The following NAV3 variants were observed in gnomAD, a reference collection of about 807,000 sequenced individuals.
The protein encoded by NAV3 is neuron navigator 3.
In NAV3, 87 loss-of-function variants were observed where a neutral mutation model predicts 244.7. The observed-to-expected ratio is 0.36, with a 90% CI of 0.30 to 0.42. NAV3 has a LOEUF of 0.42. Ranked by LOEUF, NAV3 falls within the 20% of genes least tolerant of loss-of-function variation. The pLI is 1.00. For missense variants in NAV3, 2,663 were observed against 2,893.3 expected (o/e 0.92, Z 1.83); for synonymous variants, 1,126 against 1,042.2 (o/e 1.08, Z -1.55).
intron 12 of NAV3, among the ~76,000 whole-genome samples, chr12:78,064,173 A>G (rs1468919347): frequency 2.0e-5 from 3 of 152,090 alleles, no homozygotes; most frequent in Non-Finnish European, 4.4e-5. Flanking sequence ...GGTTTTGTCT[A>G]TGTGTATGAT....
At chr12:77,701,961 A>G (rs951621712) in intron 2 of NAV3, among the ~76,000 whole-genome samples, 2 of 152,050 alleles carry the variant, frequency 1.3e-5, no homozygotes, top group Non-Finnish European at 2.9e-5. Context: ...GCTATTGGGC[A>G]TAGTGTTCTA....
intron 2 of NAV3, among the ~76,000 whole-genome samples, chr12:77,787,913 ATT>A (rs775010293): frequency 5.9e-5 from 9 of 152,226 alleles, no homozygotes; most frequent in East Asian, 3.8e-4. Context: ...ATGGCAGCAT[ATT>A]TAAAAATATT....
intron 2 of NAV3, among the ~76,000 whole-genome samples, chr12:77,573,864 A>AT (rs1868950268): frequency 6.6e-6 from 1 of 152,040 alleles, no homozygotes; most frequent in African/African-American, 2.4e-5. Context: ...GCTAAGGGAG[A>AT]TTTTCTGCAA....
intron 1 of NAV3, among the ~76,000 whole-genome samples, chr12:77,872,315 G>T (rs1184152946): frequency 3.3e-5 from 5 of 152,062 alleles, no homozygotes; most frequent in African/African-American, 1.2e-4. Context: ...TTGAAATAAA[G>T]TAGGCTTGTG....
chr12:78,209,613 C>T lies in NAV3; in HGVS notation c.7039-785C>T, dbSNP rs546384312. On this transcript the variant is annotated intron_variant, in intron 39 of 39. Transcript: ENST00000397909. The stretch of plus-strand genomic sequence containing the variant: ...ATCTATCAAAATTCAAGCAATGTGA[C>T]TGCTCTTTATTTTATAATACATGGA... 2.0e-5 allele frequency among the ~76,000 whole-genome samples: 3 copies of T among 151,346 alleles called. No homozygotes were observed. The East Asian group carries it at 5.8e-4, about 29-fold the overall frequency.
At chr12:78,069,863 T>C (rs1952666691) in intron 12 of NAV3, among the ~76,000 whole-genome samples, 1 of 152,052 alleles carries the variant, frequency 6.6e-6, no homozygotes, top group Admixed American at 6.6e-5. Flanking sequence ...ACTTGTTTGA[T>C]GAGATAAAGA....
rs779875568 is a variant in NAV3 at position 77,640,064 on chromosome 12, AG to A, written c.72+67800del. ...TCTTAGATCCAGATCTTAGAGATTA[AG>A]GCTTGTTGATGATTCTTATATCAGA... On this transcript the variant is annotated intron_variant, in intron 2 of 8. Coordinates refer to the NAV3 transcript ENST00000550042. Among the ~76,000 whole-genome samples the A allele has an allele frequency of 5.3e-5, 8 of 152,308 alleles. No individual in the cohort carries two copies. The South Asian group carries it at 1.7e-3, about 32-fold the overall frequency.
intron 1 of NAV3, among the ~76,000 whole-genome samples, chr12:77,939,058 G>T (rs960992993): frequency 1.3e-5 from 2 of 151,670 alleles, no homozygotes; most frequent in Non-Finnish European, 2.9e-5. Flanking sequence ...AAGTTGTGGG[G>T]AGACTTTCAT....
chr12:77,630,739 A>T (rs905940211), intron 2 of NAV3, among the ~76,000 whole-genome samples: 7 of 152,186 alleles, frequency 4.6e-5, no homozygotes, highest in African/African-American at 1.7e-4. Flanking sequence ...GCTAAGATAG[A>T]TGGGAGAAAG....
In NAV3 at chr12:77,702,099, T is replaced by G. The variant is rs74107804; in HGVS notation, c.72+129833T>G. Among the ~76,000 whole-genome samples the G allele has an allele frequency of 1.1e-3, 164 of 152,136 alleles. 1 individual carries two copies. The highest frequency in any genetic ancestry group is 3.5e-3 in the African/African-American group (146 of 41,570). ...AATTGTGAAGTTATTAATGTTTCCC[T>G]TTATTTATCAGATTTTGCTTTGTGT... is the stretch of plus-strand genomic sequence containing the variant. On this transcript the variant is annotated intron_variant, in intron 2 of 8. Coordinates refer to the NAV3 transcript ENST00000550042.
chr12:77,691,146 A>G (rs1421421730), intron 2 of NAV3, among the ~76,000 whole-genome samples: 3 of 150,752 alleles, frequency 2.0e-5, no homozygotes, highest in Middle Eastern at 3.4e-3. Flanking sequence ...ATAAGATGGG[A>G]TGTTGTTTCA....
At chr12:78,206,675 A>C (rs1565805393) in intron 39 of NAV3, among the ~76,000 whole-genome samples, 2 of 152,000 alleles carry the variant, frequency 1.3e-5, no homozygotes, top group Non-Finnish European at 2.9e-5. Context: ...TGGCATGAGA[A>C]TTGGGGTAAA....
In NAV3 at chr12:78,052,420, T is replaced by A. The variant is rs1007075157; in HGVS notation, c.2516+1273T>A. Among the ~76,000 whole-genome samples the A allele has an allele frequency of 3.3e-5, 5 of 152,268 alleles. No individual in the cohort carries two copies. The East Asian group carries it at 9.7e-4, about 29-fold the overall frequency. Reference sequence around the variant, plus strand: ...AGTGCCTAGTTTGAATCTCTCCCATTCACTATCTGTGGACCCCTTCGGAAC... The same window carrying A: ...AGTGCCTAGTTTGAATCTCTCCCATACACTATCTGTGGACCCCTTCGGAAC... On this transcript the variant is annotated intron_variant, in intron 11 of 39. Transcript: ENST00000397909.
intron 1 of NAV3, among the ~76,000 whole-genome samples, chr12:77,898,875 A>G (rs1239564676): frequency 1.3e-5 from 2 of 152,204 alleles, no homozygotes; most frequent in South Asian, 2.1e-4. Flanking sequence ...GTCAAAGGGC[A>G]TTCGTGATTC....
intron 2 of NAV3, among the ~76,000 whole-genome samples, chr12:77,689,329 A>G (rs985572730): frequency 2.6e-5 from 4 of 151,966 alleles, no homozygotes; most frequent in Non-Finnish European, 5.9e-5. Context: ...GAGCTCATCC[A>G]AGATTCCATT....
At chr12:78,003,063 A>C in intron 7 of NAV3, among the ~76,000 whole-genome samples, 1 of 151,234 alleles carries the variant, frequency 6.6e-6, no homozygotes, top group Non-Finnish European at 1.5e-5. Flanking sequence ...CAATATAAGC[A>C]TGTGCAGAAT....
intron 1 of NAV3, among the ~76,000 whole-genome samples, chr12:77,847,914 A>G (rs762595140): frequency 6.6e-5 from 10 of 152,114 alleles, no homozygotes; most frequent in Non-Finnish European, 1.5e-4. Flanking sequence ...ATGAGTTCCT[A>G]TGTCTGTCTT....
intron 2 of NAV3, among the ~76,000 whole-genome samples, chr12:77,630,504 G>GA (rs1871843778): frequency 6.6e-6 from 1 of 152,072 alleles, no homozygotes; most frequent in Non-Finnish European, 1.5e-5. Flanking sequence ...TTTGTCACCT[G>GA]ATATGGTCAG....
chr12:77,910,258 A>G (rs1185032508), intron 1 of NAV3, among the ~76,000 whole-genome samples: 1 of 152,066 alleles, frequency 6.6e-6, no homozygotes, highest in African/African-American at 2.4e-5. Flanking sequence ...GCTTCCAATC[A>G]TGGTGGAAGG....
Sources: gnomAD v4.1 joint callset for allele counts (sites outside exome capture counted in the v4.1 genomes callset) on GRCh38, gnomAD v4.1.1 for gene constraint, MANE v1.5 for transcripts, NCBI Gene and HGNC (gene_info 2026-07-23, HGNC 2026-07-21) for gene names.